Variants in STK10 observed in about 807,000 individuals in gnomAD.
STK10 encodes the protein serine/threonine kinase 10, also known as serine/threonine-protein kinase 10.
A neutral mutation model predicts 113.8 loss-of-function variants in STK10; 78 were observed. That is an observed-to-expected ratio of 0.69 (90% CI 0.57 to 0.83). The LOEUF (loss-of-function observed/expected upper bound fraction) is 0.83, where lower values mean the gene tolerates loss of function less well. STK10 is among the 40% of genes least tolerant of loss of function. The probability of loss-of-function intolerance (pLI) is 0.00; values close to 1 mark genes in which losing one functional copy is unlikely to be tolerated. For missense variants in STK10, 1,109 were observed against 1,280.1 expected, an observed-to-expected ratio of 0.87 and a Z score of 2.04; for synonymous variants, 465 against 494.7, an observed-to-expected ratio of 0.94 and a Z score of 0.80.
Position 172,111,224 on chromosome 5 carries a change from G to A in STK10, c.521-3372C>T, listed in dbSNP as rs1475713183. On this transcript the variant is annotated intron_variant, in intron 4 of 18. Transcript: ENST00000176763. Reference sequence around the variant, plus strand: ...GCCCCCCTGTGGGCCTGGCTCCCTCGCAAACACCACTAAGGGCTGGCACAT... The same window carrying A: ...GCCCCCCTGTGGGCCTGGCTCCCTCACAAACACCACTAAGGGCTGGCACAT... Among the ~76,000 whole-genome samples the A allele has an allele frequency of 1.1e-4, 17 of 152,062 alleles. No homozygotes were observed. In the South Asian group the frequency reaches 2.9e-3, roughly 26 times the overall value.
chr5:172,103,233 C>T (rs1769031991), intron 7 of STK10, among the ~76,000 whole-genome samples: 2 of 152,190 alleles, frequency 1.3e-5, no homozygotes, highest in East Asian at 1.9e-4. Context: ...GGTGTCCTCC[C>T]GAGGGGGTAA....
chr5:172,047,147 C>G (rs1026097097), intron 18 of STK10, among the ~76,000 whole-genome samples: 2 of 152,206 alleles, frequency 1.3e-5, no homozygotes, highest in Non-Finnish European at 2.9e-5. Context: ...ACCATTTATT[C>G]TCGAATGAAA....
chr5:172,096,679 C>T, intron 7 of STK10, 119 bp from the exon 8 acceptor site: 1 of 1,389,038 alleles, frequency 7.2e-7, no homozygotes, highest in Admixed American at 1.9e-5. Context: ...GCAAAATGTG[C>T]ACATGAACTT....
At chr5:172,063,683 T>C (rs1315978547) in intron 13 of STK10, 1 of 152,150 alleles carries the variant, frequency 6.6e-6, no homozygotes, top group Non-Finnish European at 1.5e-5. Flanking sequence ...GGTCATAGGG[T>C]GTCCCGGAGA....
chr5:172,180,346 T>A (rs2113842924), intron 1 of STK10, among the ~76,000 whole-genome samples: 1 of 151,900 alleles, frequency 6.6e-6, no homozygotes, highest in Non-Finnish European at 1.5e-5. Context: ...GCGCCTGTAA[T>A]CCCAGCTACT....
In STK10 at chr5:172,127,355, G is replaced by A. The variant is rs2113787739; in HGVS notation, c.370+18C>T. ...AGTCGTCTGGTCCCGACAATGCACC[G>A]AATCAAGTAAGACTCACCCAGCATG... On this transcript the variant is annotated intron_variant, in intron 3 of 18. Coordinates refer to ENST00000176763, the MANE Select transcript of STK10 (RefSeq NM_005990.4). 2.5e-6 allele frequency: 4 copies of A among 1,613,578 alleles called. No homozygotes were observed. Among genetic ancestry groups the A allele is most frequent in the Non-Finnish European group, 2.5e-6 (3 of 1,179,684 alleles).
chr5:172,154,305 A>C (rs1448840803), intron 2 of STK10, among the ~76,000 whole-genome samples: 4 of 152,212 alleles, frequency 2.6e-5, no homozygotes, highest in South Asian at 2.1e-4. Context: ...TGGAGGGATA[A>C]GTCTTCACCT....
rs1422649540 is a variant in STK10, at chr5:172,188,086, C to CGGGCTG, written c.-50_-45dup. 6.3e-7 allele frequency: 1 copy of CGGGCTG among 1,586,868 alleles called. No individual in the cohort carries two copies. Among genetic ancestry groups the CGGGCTG allele is most frequent in the Admixed American group, 1.8e-5 (1 of 55,562 alleles). On this transcript the variant is annotated 5_prime_UTR_variant, in exon 1 of 19. Transcript: ENST00000176763. This position sits in a 1 kb window ranked among gnomAD's most constrained non-coding sequence, Gnocchi z 5.6. ...GCCGGCTCGGGCTCGGGCTCGGGCT[C>CGGGCTG]GGGCTGTGGCTTCGGCGGCCGCGAG...
At chr5:172,182,129 C>G (rs1317511124) in intron 1 of STK10, among the ~76,000 whole-genome samples, 1 of 151,698 alleles carries the variant, frequency 6.6e-6, no homozygotes, top group African/African-American at 2.4e-5. Flanking sequence ...ATGGTAAAAC[C>G]CCGTCTCTAC....
Position 172,106,604 on chromosome 5 carries a change from T to C in STK10, c.788+16A>G, listed in dbSNP as rs544821186. 2 of 1,607,860 alleles carry C rather than the reference T, an allele frequency of 1.2e-6. No individual in the cohort carries two copies. Among genetic ancestry groups the C allele is most frequent in the East Asian group, 2.2e-5 (1 of 44,756 alleles). Reference sequence around the variant, plus strand: ...GCGCAGGCACCCCGGCAGGTGGCCCTGCCCCTGCCCCTCACCACTTAGAGG... The same window carrying C: ...GCGCAGGCACCCCGGCAGGTGGCCCCGCCCCTGCCCCTCACCACTTAGAGG... On this transcript the variant is annotated intron_variant, in intron 6 of 18. Transcript: ENST00000176763.
chr5:172,151,619 C>T (rs944358159), intron 2 of STK10, among the ~76,000 whole-genome samples: 3 of 152,206 alleles, frequency 2.0e-5, no homozygotes, highest in African/African-American at 7.2e-5. Context: ...GCTGAGATTA[C>T]AGGCGTGAGC....
At chr5:172,086,555 G>T (rs1399643629) in intron 10 of STK10, among the ~76,000 whole-genome samples, 1 of 152,168 alleles carries the variant, frequency 6.6e-6, no homozygotes, top group African/African-American at 2.4e-5. Flanking sequence ...TTTTAGGGAA[G>T]GACAGGAGGA....
Position 172,064,722 on chromosome 5 carries a change from G to A in STK10, c.2080C>T (p.Leu694Phe), listed in dbSNP as rs1195946305. ...MEEHTQKKQL[L>F]DRDFVAKQKE... ...CCCAGCTGAGGCCAGGGACTCACAAGAAGCTGCTTTTTCTGCGTGTGCTCC... is the reference window on the plus strand; with the variant it reads ...CCCAGCTGAGGCCAGGGACTCACAAAAAGCTGCTTTTTCTGCGTGTGCTCC... Residue 694 changes from leucine to phenylalanine, a missense_variant and splice_region_variant, in exon 13 of 19, where the codon CTT (leucine) becomes TTT (phenylalanine). Leu to Phe is a conservative substitution (Grantham distance 22). Around this residue, in one of 5 missense-constraint regions of STK10, gnomAD observed 885 missense variants for 991.1 expected, o/e 0.89. Transcript: ENST00000176763. 6.2e-7 allele frequency: 1 copy of A among 1,614,074 alleles called. No individual in the cohort carries two copies. The highest frequency in any genetic ancestry group is 1.1e-5 in the South Asian group (1 of 91,084).
chr5:172,055,159 C>A (rs1478570042), intron 16 of STK10, among the ~76,000 whole-genome samples: 3 of 124,304 alleles, frequency 2.4e-5, no homozygotes, highest in Admixed American at 1.8e-4. Flanking sequence ...GACTCGCACA[C>A]CCCCTCCCAA....
At chr5:172,178,473 T>C (rs529392092) in intron 1 of STK10, among the ~76,000 whole-genome samples, 1 of 152,282 alleles carries the variant, frequency 6.6e-6, no homozygotes, top group South Asian at 2.1e-4. Flanking sequence ...CCTTTCGGTC[T>C]CCTCCCCCAT....
chr5:172,158,882 G>A (rs1178049585), intron 1 of STK10, among the ~76,000 whole-genome samples: 1 of 152,188 alleles, frequency 6.6e-6, no homozygotes, highest in East Asian at 1.9e-4. Flanking sequence ...CCAGGGGTTA[G>A]AAAGGGGAAA....
intron 12 of STK10, among the ~76,000 whole-genome samples, chr5:172,077,093 C>T (rs557605226): frequency 6.6e-6 from 1 of 152,364 alleles, no homozygotes; most frequent in East Asian, 1.9e-4. Context: ...TGCTCTCCCG[C>T]TGAGATCTAC....
At chr5:172,166,987 C>T (rs979646099) in intron 1 of STK10, among the ~76,000 whole-genome samples, 7 of 151,896 alleles carry the variant, frequency 4.6e-5, no homozygotes, top group African/African-American at 1.2e-4. Context: ...TAGTGAAACC[C>T]CGTCTCTACT....
intron 2 of STK10, among the ~76,000 whole-genome samples, chr5:172,151,950 C>T (rs990104109): frequency 4.6e-5 from 7 of 152,270 alleles, no homozygotes; most frequent in Non-Finnish European, 8.8e-5. Context: ...TTCTGATTCC[C>T]TCTACCTGGC....
Sources: gnomAD v4.1 joint callset for allele counts (sites outside exome capture counted in the v4.1 genomes callset) on GRCh38, gnomAD v4.1.1 for gene constraint, gnomAD v4.1.1 regional missense constraint, Gnocchi (gnomAD v3.1) non-coding constraint, MANE v1.5 for transcripts, NCBI Gene and HGNC (gene_info 2026-07-23, HGNC 2026-07-21) for gene names.